LRP11: variants seen among roughly 807,000 people sequenced by gnomAD.
LRP11 encodes low-density lipoprotein receptor-related protein 11.
LRP11 carries 25 observed loss-of-function variants against 43.1 expected under a neutral mutation model. The ratio of observed to expected loss-of-function variants is 0.58; its 90% CI spans 0.42 to 0.81. The LOEUF (loss-of-function observed/expected upper bound fraction) is 0.81. LRP11 is among the 30% of genes least tolerant of loss of function. The pLI, the probability that LRP11 is intolerant of heterozygous loss-of-function variation, is 0.00. For missense variants in LRP11, 623 were observed against 665.1 expected (o/e 0.94, Z 0.70); for synonymous variants, 316 against 299.4 (o/e 1.06, Z -0.57).
At chr6:149,845,163 G>A (rs1776613780) in intron 2 of LRP11, among the ~76,000 whole-genome samples, 1 of 152,166 alleles carries the variant, frequency 6.6e-6, no homozygotes, top group African/African-American at 2.4e-5. Context: ...TTTGTAAAAT[G>A]GAAGTAATAA....
chr6:149,843,982 C>T (rs1167296460), intron 2 of LRP11, among the ~76,000 whole-genome samples: 3 of 152,136 alleles, frequency 2.0e-5, no homozygotes, highest in African/African-American at 4.8e-5. Flanking sequence ...TGGTTGGGCA[C>T]GGTGGCTCAT....
At position 149,836,178 on chromosome 6, in the gene LRP11, C is replaced by T. The variant is rs769777675; in HGVS notation, c.1159G>A (p.Ala387Thr). 2.5e-6 allele frequency: 4 copies of T among 1,613,988 alleles called. No individual in the cohort carries two copies. The highest frequency in any genetic ancestry group is 1.6e-4 in the Middle Eastern group (1 of 6,084). ...SLVEKSQKAT[A>T]PNKPPALSNT... ...GATAATGCAGGTGGCTTGTTTGGGGCAGTGGCTTTCTGAGACTTTTCCACC... is the reference window on the plus strand; with the variant it reads ...GATAATGCAGGTGGCTTGTTTGGGGTAGTGGCTTTCTGAGACTTTTCCACC... The change falls in exon 5 of 7, where the codon GCC (alanine) becomes ACC (threonine). Residue 387 changes from alanine (A) to threonine (T), a missense_variant. Ala to Thr is a moderately conservative substitution (Grantham distance 58). Coordinates refer to ENST00000239367, the MANE Select transcript of LRP11 (RefSeq NM_032832.6).
At chr6:149,821,450 G>A (rs555387566) in intron 6 of LRP11, among the ~76,000 whole-genome samples, 2 of 152,328 alleles carry the variant, frequency 1.3e-5, no homozygotes, top group South Asian at 2.1e-4. Context: ...TCTAGTTAGG[G>A]CTTAAGAAAT....
chr6:149,829,987 T>C (rs1210006015), intron 5 of LRP11, among the ~76,000 whole-genome samples: 2 of 151,736 alleles, frequency 1.3e-5, no homozygotes, highest in Admixed American at 6.6e-5. Context: ...TGTAGCCATA[T>C]TATGAGAGAT....
At chr6:149,844,457 T>C (rs1020519559) in intron 2 of LRP11, among the ~76,000 whole-genome samples, 1 of 152,162 alleles carries the variant, frequency 6.6e-6, no homozygotes, top group Non-Finnish European at 1.5e-5. Flanking sequence ...TCTCCCAACA[T>C]TCACAGGCAG....
intron 3 of LRP11, among the ~76,000 whole-genome samples, chr6:149,838,684 C>CAAAAAA (rs397943761): frequency 1.1e-5 from 1 of 92,010 alleles, no homozygotes; most frequent in Non-Finnish European, 2.2e-5. Flanking sequence ...GACTCTGTCT[C>CAAAAAA]AAAAAAAAAA....
chr6:149,852,871 C>T, intron 2 of LRP11, 132 bp downstream of exon 2: 1 of 671,872 alleles, frequency 1.5e-6, no homozygotes, highest in South Asian at 4.3e-5. Context: ...TTGGCATAAT[C>T]AGTTTTATAC....
chr6:149,859,396 A>ATATATATATATATATATATTTTTTTT, intron 1 of LRP11, among the ~76,000 whole-genome samples: 1 of 71,512 alleles, frequency 1.4e-5, no homozygotes, highest in Non-Finnish European at 2.3e-5. Flanking sequence ...ATATATATAT[A>ATATATATATATATATATATTTTTTTT]TTTTTTTTTT....
At chr6:149,863,019 G>A (rs1776948028) in intron 1 of LRP11, among the ~76,000 whole-genome samples, 2 of 152,186 alleles carry the variant, frequency 1.3e-5, no homozygotes, top group Non-Finnish European at 2.9e-5. Context: ...AAAAAGGAGT[G>A]GGTGTTACGA....
At chr6:149,823,833 G>A (rs115416746) in intron 6 of LRP11, among the ~76,000 whole-genome samples, 316 of 152,248 alleles carry the variant, frequency 2.1e-3, no homozygotes, top group African/African-American at 7.2e-3. Context: ...ATACAAATCG[G>A]TGATAACCCT....
At chr6:149,831,426 T>C (rs1205535729) in intron 5 of LRP11, among the ~76,000 whole-genome samples, 1 of 152,192 alleles carries the variant, frequency 6.6e-6, no homozygotes, top group Non-Finnish European at 1.5e-5. Context: ...TGTTAATGAA[T>C]GACATGGACC....
intron 2 of LRP11, among the ~76,000 whole-genome samples, chr6:149,847,824 TAC>T (rs57292379): frequency 0.11 from 14,432 of 130,454 alleles, 674 homozygotes; most frequent in Middle Eastern, 0.16. Context: ...TAAACTAAAT[TAC>T]ACACACACAC....
chr6:149,829,358 C>T (rs1209601975), intron 5 of LRP11, among the ~76,000 whole-genome samples: 5 of 151,982 alleles, frequency 3.3e-5, no homozygotes, highest in African/African-American at 7.2e-5. Flanking sequence ...GTCAGGAGTT[C>T]GAGACCAGCC....
chr6:149,840,769 C>G (rs908728456), intron 3 of LRP11, among the ~76,000 whole-genome samples: 1 of 152,144 alleles, frequency 6.6e-6, no homozygotes, highest in African/African-American at 2.4e-5. Context: ...AGAGGGCGCC[C>G]AGATCTACAG....
chr6:149,864,132 A>G lies in LRP11; in HGVS notation c.-112T>C. 3.4e-6 allele frequency: 4 copies of G among 1,170,562 alleles called. No individual in the cohort carries two copies. Among genetic ancestry groups the G allele is most frequent in the East Asian group, 3.9e-5 (1 of 25,576 alleles). 72.5% of individuals were successfully genotyped at this position (1,170,562 alleles called of 1,614,324 possible). A position where few individuals can be genotyped will look rare whatever the true frequency, so the allele number is the denominator to read the frequency against. Reference sequence around the variant, plus strand: ...CTCCTGCGCGGCCGCGGCTGGCTCTAGGCCCCGGCCTCACAGCGCGGCGCC... The same window carrying G: ...CTCCTGCGCGGCCGCGGCTGGCTCTGGGCCCCGGCCTCACAGCGCGGCGCC... On this transcript the variant is annotated 5_prime_UTR_variant, in exon 1 of 7. Transcript: ENST00000239367.
intron 3 of LRP11, among the ~76,000 whole-genome samples, chr6:149,839,496 A>G (rs1452738475): frequency 6.6e-6 from 1 of 152,190 alleles, no homozygotes; most frequent in East Asian, 1.9e-4. Context: ...ATGGCATGAA[A>G]ATCCCAGATA....
intron 5 of LRP11, 52 bp downstream of exon 5, chr6:149,836,033 T>C (rs1251997723): frequency 2.7e-6 from 4 of 1,479,550 alleles, no homozygotes; most frequent in Admixed American, 1.7e-5. Context: ...GTGAGCCAAG[T>C]TTGGCTACAG....
At chr6:149,838,968 G>A (rs1776509300) in intron 3 of LRP11, among the ~76,000 whole-genome samples, 1 of 152,038 alleles carries the variant, frequency 6.6e-6, no homozygotes, top group Non-Finnish European at 1.5e-5. Context: ...ACATGGGGAA[G>A]TGGCAGATTA....
At chr6:149,836,718 G>A (rs1277802348) in intron 4 of LRP11, among the ~76,000 whole-genome samples, 1 of 152,124 alleles carries the variant, frequency 6.6e-6, no homozygotes, top group East Asian at 1.9e-4. Context: ...GGAGGCTGAG[G>A]TGGGAGAAAC....
Sources: gnomAD v4.1 joint callset for allele counts (sites outside exome capture counted in the v4.1 genomes callset) on GRCh38, gnomAD v4.1.1 for gene constraint, MANE v1.5 for transcripts, NCBI Gene and HGNC (gene_info 2026-07-23, HGNC 2026-07-21) for gene names.